FSD2: variants seen among roughly 807,000 people sequenced by gnomAD.
FSD2 encodes the protein fibronectin type III and SPRY domain containing 2, also known as fibronectin type III and SPRY domain-containing protein 2.
Under a neutral mutation model 80.4 loss-of-function variants are expected in FSD2, and 71 were observed. The observed-to-expected ratio is 0.88, with a 90% CI of 0.73 to 1.08. The LOEUF is 1.08. Among genes scored for constraint, FSD2 ranks in the 50% least tolerant of loss-of-function variants. FSD2 has a pLI of 0.00. For synonymous variants in FSD2, 361 were observed against 329.5 expected (o/e 1.10, Z -1.03); for missense variants, 923 against 913.8 (o/e 1.01, Z -0.13).
chr15:82,779,815 C>G (rs1423030758), intron 5 of FSD2, among the ~76,000 whole-genome samples: 1 of 152,016 alleles, frequency 6.6e-6, no homozygotes, highest in African/African-American at 2.4e-5. Context: ...GATAAGGTGT[C>G]TTCTAGACTG....
chr15:82,797,455 A>C (rs2050303499), intron 1 of FSD2, among the ~76,000 whole-genome samples: 1 of 152,252 alleles, frequency 6.6e-6, no homozygotes, highest in African/African-American at 2.4e-5. Context: ...TACACAAATA[A>C]ACTTTTTTTA....
intron 6 of FSD2, among the ~76,000 whole-genome samples, chr15:82,775,420 A>AT (rs1428602149): frequency 6.6e-6 from 1 of 151,946 alleles, no homozygotes; most frequent in Non-Finnish European, 1.5e-5. Flanking sequence ...AATTCATATA[A>AT]TTTGCAAACA....
At chr15:82,774,312 G>T (rs770078108) in intron 6 of FSD2, among the ~76,000 whole-genome samples, 12 of 152,166 alleles carry the variant, frequency 7.9e-5, no homozygotes, top group Non-Finnish European at 1.6e-4. Flanking sequence ...CTGGGCTCTA[G>T]CAGTCTGCCC....
intron 5 of FSD2, 38 bp downstream of exon 5, chr15:82,780,207 A>G (rs1237515380): frequency 6.9e-7 from 1 of 1,444,040 alleles, no homozygotes; most frequent in Non-Finnish European, 9.3e-7. Flanking sequence ...AGTTGAAAAA[A>G]GTAAAAAAAG....
chr15:82,764,729 C>T lies in FSD2; in HGVS notation c.1820+437G>A, dbSNP rs552075777. Among the ~76,000 whole-genome samples, 6 of 152,064 alleles carry T rather than the reference C, an allele frequency of 3.9e-5. No individual in the cohort carries two copies. In the East Asian group the frequency reaches 7.8e-4, roughly 20 times the overall value. ...CTGACCTCAGGTGATCTGCCTGCCTCGGCTTCCCAAAGTGCTGTGATTACA... is the reference window on the plus strand; with the variant it reads ...CTGACCTCAGGTGATCTGCCTGCCTTGGCTTCCCAAAGTGCTGTGATTACA... On this transcript the variant is annotated intron_variant, in intron 11 of 12. Transcript: ENST00000334574.
Position 82,765,239 on chromosome 15 carries a change from C to G in FSD2, c.1747G>C (p.Gly583Arg). Residue 583 changes from glycine (G) to arginine (R), a missense_variant, in exon 11 of 13, where the codon GGA becomes CGA. Gly to Arg is a moderately radical substitution (Grantham distance 125). Transcript: ENST00000334574. ...CTTTCACTTCGTACAGCCGTAAGTC[C>G]GTCTTCAGAAATGGTCAGCCAGGGA... The part of the protein sequence containing the change: ...CHPWLTISED[G>R]LTAVRSERRT... The G allele has an allele frequency of 6.2e-7, 1 of 1,612,640 alleles. No homozygotes were observed. Among genetic ancestry groups the G allele is most frequent in the Non-Finnish European group, 8.5e-7 (1 of 1,179,372 alleles).
chr15:82,781,758 A>C (rs953647158), intron 4 of FSD2, among the ~76,000 whole-genome samples: 1 of 152,054 alleles, frequency 6.6e-6, no homozygotes, highest in Non-Finnish European at 1.5e-5. Context: ...AGGTGGCTGG[A>C]AAACTCTTAG....
intron 1 of FSD2, among the ~76,000 whole-genome samples, chr15:82,801,594 C>T (rs979888719): frequency 6.6e-6 from 1 of 152,120 alleles, no homozygotes. Context: ...GGTCGACTTC[C>T]AGCAGTCATT....
intron 4 of FSD2, among the ~76,000 whole-genome samples, chr15:82,782,303 G>A (rs866308974): frequency 7.9e-5 from 12 of 151,496 alleles, no homozygotes; most frequent in South Asian, 4.2e-4. Flanking sequence ...GGGAGGCTGA[G>A]GCAGGAGAAT....
chr15:82,797,924 T>G (rs899115725), intron 1 of FSD2, among the ~76,000 whole-genome samples: 5 of 151,986 alleles, frequency 3.3e-5, no homozygotes, highest in Non-Finnish European at 5.9e-5. Context: ...AAAAAAAGAG[T>G]TTAATATTCA....
intron 5 of FSD2, among the ~76,000 whole-genome samples, chr15:82,779,605 G>T (rs148910018): frequency 6.6e-6 from 1 of 151,492 alleles, no homozygotes; most frequent in East Asian, 1.9e-4. Flanking sequence ...GGCAGAGGTT[G>T]CAGTGAGCTG....
rs1251780182 is a variant in FSD2 at position 82,787,267 on chromosome 15, T to C, written c.124A>G (p.Arg42Gly). 14 of 1,613,778 alleles carry C rather than the reference T, an allele frequency of 8.7e-6. No homozygotes were observed. Among genetic ancestry groups the C allele is most frequent in the Non-Finnish European group, 1.1e-5 (13 of 1,179,878 alleles). ...RLHLFPEENT[R>G]MRKVVQAEMA... ...TCAGCTTGGACTACTTTCCTCATCC[T>C]AGTGTTCTCTTCTGGAAAGAGGTGC... Residue 42 changes from arginine to glycine, a missense_variant, in exon 2 of 13, where the codon AGG becomes GGG. Transcript: ENST00000334574.
At chr15:82,779,798 A>C (rs1478152012) in intron 5 of FSD2, among the ~76,000 whole-genome samples, 2 of 152,080 alleles carry the variant, frequency 1.3e-5, no homozygotes, top group African/African-American at 4.8e-5. Flanking sequence ...AGCTATCCTC[A>C]TTTGTAGATA....
At chr15:82,769,950 C>T (rs1012986050) in intron 7 of FSD2, 66 bp from the exon 8 acceptor site, 31 of 1,586,592 alleles carry the variant, frequency 2.0e-5, no homozygotes, top group African/African-American at 6.7e-5. Context: ...TTCATTATGC[C>T]GAATCCCACA....
At chr15:82,781,941 G>T (rs185187537) in intron 4 of FSD2, among the ~76,000 whole-genome samples, 2,079 of 151,344 alleles carry the variant, frequency 0.014, 42 homozygotes, top group African/African-American at 0.044. Flanking sequence ...GCGGGTGCCT[G>T]TAATCCCAGC....
intron 1 of FSD2, among the ~76,000 whole-genome samples, chr15:82,794,120 G>C (rs1259967257): frequency 6.6e-6 from 1 of 151,752 alleles, no homozygotes; most frequent in Non-Finnish European, 1.5e-5. Flanking sequence ...GGCATTTATA[G>C]CTATAAATTT....
chr15:82,792,636 T>G (rs1476806275), intron 1 of FSD2, among the ~76,000 whole-genome samples: 1 of 152,214 alleles, frequency 6.6e-6, no homozygotes, highest in Non-Finnish European at 1.5e-5. Flanking sequence ...GTCTAGTTTA[T>G]CTATTTTTTT....
chr15:82,801,026 A>G (rs941245162), intron 1 of FSD2, among the ~76,000 whole-genome samples: 4 of 152,140 alleles, frequency 2.6e-5, no homozygotes, highest in African/African-American at 9.7e-5. Flanking sequence ...TCCCCATAGA[A>G]AGCCTTTATA....
Position 82,768,970 on chromosome 15 carries a change from A to G in FSD2, c.1463T>C (p.Ile488Thr). The change falls in exon 9 of 13, where the codon ATT (isoleucine) becomes ACT (threonine). Residue 488 changes from isoleucine (I) to threonine (T), a missense_variant. Coordinates refer to ENST00000334574, the MANE Select transcript of FSD2 (RefSeq NM_001007122.4). ...ATTCAGGTTCCCAGACTCCCAGCAA[A>G]TCAGCACAGCCTCTTCACAGCTCCT... is the stretch of plus-strand genomic sequence containing the variant. ...EIRSCEEAVL[I>T]CWESGNLNPV... The G allele has an allele frequency of 6.2e-7, 1 of 1,607,248 alleles. No homozygotes were observed. The highest frequency in any genetic ancestry group is 8.5e-7 in the Non-Finnish European group (1 of 1,177,004).
Sources: allele counts gnomAD v4.1 joint callset (sites outside exome capture counted in the v4.1 genomes callset), GRCh38; gene constraint gnomAD v4.1.1; transcripts MANE v1.5; gene names NCBI Gene and HGNC (gene_info 2026-07-23, HGNC 2026-07-21).